PIP5K1B: variants seen among roughly 807,000 people sequenced by gnomAD.
PIP5K1B encodes the protein phosphatidylinositol-4-phosphate 5-kinase type 1 beta.
Under a neutral mutation model 67.0 loss-of-function variants are expected in PIP5K1B, and 42 were observed. The observed-to-expected ratio is 0.63, with a 90% CI of 0.49 to 0.81. The LOEUF (loss-of-function observed/expected upper bound fraction) is 0.81. Among genes scored for constraint, PIP5K1B ranks in the 30% least tolerant of loss-of-function variants. PIP5K1B has a pLI of 0.00. For missense variants in PIP5K1B, 459 were observed against 646.3 expected, an observed-to-expected ratio of 0.71 and a Z score of 3.14; for synonymous variants, 214 against 231.4, an observed-to-expected ratio of 0.92 and a Z score of 0.68.
chr9:68,865,050 A>G (rs1823289875), intron 5 of PIP5K1B, among the ~76,000 whole-genome samples: 1 of 152,196 alleles, frequency 6.6e-6, no homozygotes, highest in South Asian at 2.1e-4. Context: ...GTCACCAAGG[A>G]GCAGAGCCCA....
In PIP5K1B at chr9:68,876,678, G is replaced by T; in HGVS notation, c.202G>T (p.Glu68Ter). The T allele has an allele frequency of 3.9e-6, 6 of 1,539,266 alleles. No individual in the cohort carries two copies. The highest frequency in any genetic ancestry group is 1.4e-5 in the African/African-American group (1 of 73,538). Residue 68 changes from glutamate to a stop codon, truncating the protein, a stop_gained and splice_region_variant, in exon 6 of 16, where the codon GAA becomes TAA. Transcript: ENST00000265382. LOFTEE classifies it high-confidence loss of function. ...CTCTTTTTAATATTTTGACTTCAGC[G>T]AAGGGAGCAATCTGACCCCAGCACA... is the stretch of plus-strand genomic sequence containing the variant. Reference protein sequence around the residue: ...YVVESVFLPSEGSNLTPAHHY... With the variant: ...YVVESVFLPS
intron 2 of PIP5K1B, among the ~76,000 whole-genome samples, chr9:68,804,517 G>T (rs1171116843): frequency 6.6e-6 from 1 of 152,022 alleles, no homozygotes; most frequent in Non-Finnish European, 1.5e-5. Context: ...GACAGTCTGT[G>T]CATTCCCATC....
At chr9:68,947,079 G>T (rs140298714) in intron 14 of PIP5K1B, among the ~76,000 whole-genome samples, 80 of 152,264 alleles carry the variant, frequency 5.3e-4, no homozygotes, top group African/African-American at 1.4e-3. Context: ...CACTGTAAAG[G>T]GCATGATGTT....
chr9:68,885,051 C>T (rs1824398878), intron 6 of PIP5K1B, among the ~76,000 whole-genome samples: 1 of 152,102 alleles, frequency 6.6e-6, no homozygotes, highest in Admixed American at 6.5e-5. Context: ...AAGATGGAAG[C>T]AACATAAATG....
intron 14 of PIP5K1B, among the ~76,000 whole-genome samples, chr9:68,961,134 C>T (rs866543814): frequency 1.0e-3 from 155 of 150,366 alleles, no homozygotes; most frequent in African/African-American, 3.5e-3. Flanking sequence ...GGCGTGAACC[C>T]GGGAAGCGGA....
At chr9:68,962,608 A>T (rs566693627) in intron 14 of PIP5K1B, among the ~76,000 whole-genome samples, 1 of 152,348 alleles carries the variant, frequency 6.6e-6, no homozygotes, top group African/African-American at 2.4e-5. Context: ...TAAGGGAGTC[A>T]TTCAGTCCAT....
chr9:68,876,164 C>T (rs1823886873), intron 5 of PIP5K1B, among the ~76,000 whole-genome samples: 1 of 152,082 alleles, frequency 6.6e-6, no homozygotes, highest in African/African-American at 2.4e-5. Flanking sequence ...TGTAAGGTCT[C>T]CTTTTTTGGA....
At chr9:68,845,718 A>T (rs1376682322) in intron 4 of PIP5K1B, among the ~76,000 whole-genome samples, 5 of 152,192 alleles carry the variant, frequency 3.3e-5, no homozygotes, top group Non-Finnish European at 7.3e-5. Flanking sequence ...TCTAAAAGAG[A>T]AAGTGTGTAG....
chr9:68,878,289 G>A (rs1824006269), intron 6 of PIP5K1B, among the ~76,000 whole-genome samples: 1 of 152,098 alleles, frequency 6.6e-6, no homozygotes, highest in Admixed American at 6.5e-5. Flanking sequence ...CAGTCAATAT[G>A]ACCAGATGGA....
chr9:69,006,661 C>T (rs1156681567), intron 15 of PIP5K1B, among the ~76,000 whole-genome samples: 4 of 152,108 alleles, frequency 2.6e-5, no homozygotes, highest in African/African-American at 9.7e-5. Context: ...GGTCCTGGCT[C>T]CAGGGCCCTT....
chr9:68,924,999 C>A (rs1210470868), intron 12 of PIP5K1B, among the ~76,000 whole-genome samples: 4 of 152,078 alleles, frequency 2.6e-5, no homozygotes, highest in African/African-American at 7.2e-5. Flanking sequence ...AGGTATAGTC[C>A]TCTTTTTTCA....
chr9:68,950,845 T>C (rs1223395919), intron 14 of PIP5K1B, among the ~76,000 whole-genome samples: 1 of 152,214 alleles, frequency 6.6e-6, no homozygotes, highest in African/African-American at 2.4e-5. Flanking sequence ...GTGAGCCTTA[T>C]CTCCTGTAAT....
At chr9:68,879,029 G>A (rs1459606415) in intron 6 of PIP5K1B, among the ~76,000 whole-genome samples, 1 of 152,136 alleles carries the variant, frequency 6.6e-6, no homozygotes. Flanking sequence ...ATTATTAAGA[G>A]ATAGGTCCAG....
At chr9:68,746,533 G>A (rs1431409488) in intron 2 of PIP5K1B, among the ~76,000 whole-genome samples, 1 of 151,984 alleles carries the variant, frequency 6.6e-6, no homozygotes, top group Non-Finnish European at 1.5e-5. Context: ...CTTCTAACAA[G>A]AACTTAGTTT....
chr9:68,729,182 G>T (rs1587352192), intron 1 of PIP5K1B, among the ~76,000 whole-genome samples: 1 of 118,884 alleles, frequency 8.4e-6, no homozygotes, highest in South Asian at 2.3e-4. Context: ...TAGGGAGAAA[G>T]AAGGAATTTT....
At chr9:68,729,579 C>T (rs554220085) in intron 1 of PIP5K1B, among the ~76,000 whole-genome samples, 4 of 152,000 alleles carry the variant, frequency 2.6e-5, no homozygotes, top group South Asian at 4.1e-4. Context: ...GTCAGTATCC[C>T]GAATATGTAA....
chr9:69,002,177 A>C (rs1475888523), intron 15 of PIP5K1B, among the ~76,000 whole-genome samples: 1 of 152,204 alleles, frequency 6.6e-6, no homozygotes, highest in Non-Finnish European at 1.5e-5. Flanking sequence ...GATCTGGAAC[A>C]AAATAGCTGT....
intron 7 of PIP5K1B, among the ~76,000 whole-genome samples, chr9:68,891,161 G>A (rs1202702647): frequency 2.0e-5 from 3 of 152,072 alleles, no homozygotes; most frequent in Non-Finnish European, 4.4e-5. Flanking sequence ...GAAGTGGGAG[G>A]ATCACTTGAG....
intron 4 of PIP5K1B, among the ~76,000 whole-genome samples, chr9:68,822,985 G>C (rs1833804890): frequency 6.6e-6 from 1 of 152,126 alleles, no homozygotes; most frequent in South Asian, 2.1e-4. Flanking sequence ...GGCTTCTAGA[G>C]GCTCCCTGCG....
Sources: gnomAD v4.1 joint callset for allele counts (sites outside exome capture counted in the v4.1 genomes callset) on GRCh38, gnomAD v4.1.1 for gene constraint, MANE v1.5 for transcripts, NCBI Gene and HGNC (gene_info 2026-07-23, HGNC 2026-07-21) for gene names.